The following LARP4B variants were observed in gnomAD, a reference collection of about 807,000 sequenced individuals.
LARP4B encodes the protein La ribonucleoprotein 4B.
LARP4B carries 12 observed loss-of-function variants against 89.8 expected under a neutral mutation model. The observed-to-expected ratio is 0.13, with a 90% CI of 0.09 to 0.22. The LOEUF (loss-of-function observed/expected upper bound fraction) is 0.22. Ranked by LOEUF, LARP4B falls within the 10% of genes least tolerant of loss-of-function variation. The pLI, the probability that LARP4B is intolerant of heterozygous loss-of-function variation, is 1.00. For missense variants in LARP4B, 757 were observed against 947.7 expected (o/e 0.80, Z 2.64); for synonymous variants, 367 against 363.3 (o/e 1.01, Z -0.12).
intron 3 of LARP4B, among the ~76,000 whole-genome samples, chr10:876,091 C>T (rs570280940): frequency 6.6e-6 from 1 of 152,064 alleles, no homozygotes; most frequent in African/African-American, 2.4e-5. Flanking sequence ...GGCACACACA[C>T]AAAAAAATTC....
chr10:828,441 A>G (rs141142337), intron 11 of LARP4B, among the ~76,000 whole-genome samples: 50 of 152,230 alleles, frequency 3.3e-4, no homozygotes, highest in South Asian at 8.3e-4. Context: ...TTCCGTGTAT[A>G]CAGGCACTTG....
chr10:840,820 G>A (rs1458568392), intron 7 of LARP4B, among the ~76,000 whole-genome samples: 2 of 152,190 alleles, frequency 1.3e-5, no homozygotes, highest in African/African-American at 4.8e-5. Context: ...TCTGCTGTGT[G>A]TCTGAGTCTC....
rs1830610552 is a variant in LARP4B, at chr10:931,512, G to GGACGGCGAGGAGAGA, written c.-139_-125dup. On this transcript the variant is annotated 5_prime_UTR_variant, in exon 1 of 18. Transcript: ENST00000316157. ...GGCCCGGCGGCCGCGCCACACGCGG[G>GGACGGCGAGGAGAGA]GACGGCGAGGAGAGAGACGGCAGGG... 1 of 149,902 alleles carries GGACGGCGAGGAGAGA rather than the reference G, an allele frequency of 6.7e-6. No individual in the cohort carries two copies. The highest frequency in any genetic ancestry group is 1.5e-5 in the Non-Finnish European group (1 of 66,944). The allele number at this position is 149,902 out of a possible 1,614,324, so 9.3% of individuals were successfully genotyped here.
chr10:955,031 G>C, the LARP4B span, among the ~76,000 whole-genome samples: 10 of 53,210 alleles, frequency 1.9e-4, no homozygotes, highest in African/African-American at 3.6e-4. This position sits in a 1 kb window ranked among gnomAD's most constrained non-coding sequence, Gnocchi z 5.2. Flanking sequence ...TCCCATCCAC[G>C]CTTCCCCAGG....
the LARP4B span, among the ~76,000 whole-genome samples, chr10:946,698 A>G: frequency 2.0e-5 from 3 of 152,194 alleles, no homozygotes; most frequent in African/African-American, 7.2e-5. Context: ...ATACTGAACT[A>G]GAAACTATTC....
At chr10:932,305 A>T (rs1227513746), upstream of LARP4B, among the ~76,000 whole-genome samples, 15 of 74,012 alleles carry the variant, frequency 2.0e-4, no homozygotes, top group Admixed American at 4.3e-4. Context: ...TGCCCGGAAC[A>T]CCTCACCCCA....
chr10:862,978 C>A (rs1016601460), intron 5 of LARP4B, among the ~76,000 whole-genome samples: 1 of 152,142 alleles, frequency 6.6e-6, no homozygotes, highest in South Asian at 2.1e-4. Context: ...TTTCACACTC[C>A]TGCAAAATTT....
intron 1 of LARP4B, among the ~76,000 whole-genome samples, chr10:894,643 G>T (rs1836133976): frequency 6.6e-6 from 1 of 152,230 alleles, no homozygotes; most frequent in Admixed American, 6.5e-5. Context: ...TAATTTTATT[G>T]AGTTCCAACC....
chr10:932,709 G>GC (rs1414655533), upstream of LARP4B, among the ~76,000 whole-genome samples: 3 of 137,824 alleles, frequency 2.2e-5, no homozygotes, highest in Non-Finnish European at 4.6e-5. Context: ...AGGGACCCAG[G>GC]CCCCAGCCCT....
At chr10:940,203 G>A in the LARP4B span, among the ~76,000 whole-genome samples, 1 of 152,148 alleles carries the variant, frequency 6.6e-6, no homozygotes, top group African/African-American at 2.4e-5. Flanking sequence ...TTTTAGTAGG[G>A]ACGGGGTTTC....
chr10:905,664 AGGAGCTGAGGAGCAAG>A (rs1836470160), intron 1 of LARP4B, among the ~76,000 whole-genome samples: 1 of 21,862 alleles, frequency 4.6e-5, no homozygotes, highest in Non-Finnish European at 1.1e-4. Context: ...TGGGGAGGGG[AGGAGCTGAGGAGCAAG>A]GGAGGAGCTG....
At chr10:945,383 CAA>C in the LARP4B span, among the ~76,000 whole-genome samples, 22 of 86,088 alleles carry the variant, frequency 2.6e-4, no homozygotes, top group Admixed American at 5.1e-4. Context: ...GACTCTGTCT[CAA>C]AAAAAAAAAA....
chr10:927,984 G>A (rs1021119619), intron 1 of LARP4B, among the ~76,000 whole-genome samples: 4 of 152,148 alleles, frequency 2.6e-5, no homozygotes, highest in East Asian at 1.9e-4. Flanking sequence ...AGGCCGAGGC[G>A]GGCGAATCAC....
At chr10:941,987 C>T in the LARP4B span, among the ~76,000 whole-genome samples, 3 of 152,068 alleles carry the variant, frequency 2.0e-5, no homozygotes, top group Non-Finnish European at 4.4e-5. Context: ...TTGAACTATA[C>T]CTAGAGAAGT....
chr10:827,645 G>A (rs1445016980), intron 11 of LARP4B, among the ~76,000 whole-genome samples: 1 of 152,096 alleles, frequency 6.6e-6, no homozygotes, highest in Non-Finnish European at 1.5e-5. Flanking sequence ...TACAACATAA[G>A]TCAAGGCCAT....
chr10:903,076 T>C (rs1374577567), intron 1 of LARP4B: 1 of 152,212 alleles, frequency 6.6e-6, no homozygotes, highest in Non-Finnish European at 1.5e-5. Context: ...AAATTACTTC[T>C]CATGTTGAGA....
intron 1 of LARP4B, among the ~76,000 whole-genome samples, chr10:929,504 G>A (rs893015584): frequency 1.1e-4 from 17 of 152,128 alleles, no homozygotes; most frequent in Non-Finnish European, 2.1e-4. Context: ...GCTGAGGCAG[G>A]AGAATAACTT....
chr10:935,730 T>TCTTTTC (rs1419172463), upstream of LARP4B, among the ~76,000 whole-genome samples: 2 of 141,064 alleles, frequency 1.4e-5, no homozygotes, highest in African/African-American at 2.6e-5. Flanking sequence ...TTCTTTTTTT[T>TCTTTTC]TTTTTTTTTT....
intron 1 of LARP4B, among the ~76,000 whole-genome samples, chr10:887,577 G>A (rs1034338753): frequency 1.3e-5 from 2 of 151,640 alleles, no homozygotes; most frequent in African/African-American, 4.8e-5. Context: ...CAGGAACGGT[G>A]GCGGGCACCT....
Sources: allele counts gnomAD v4.1 joint callset (sites outside exome capture counted in the v4.1 genomes callset), GRCh38; gene constraint gnomAD v4.1.1; non-coding constraint Gnocchi (gnomAD v3.1); transcripts MANE v1.5; gene names NCBI Gene and HGNC (gene_info 2026-07-23, HGNC 2026-07-21).